Variants in CEP128 observed in about 807,000 individuals in gnomAD.
CEP128 encodes centrosomal protein 128kDa.
A neutral mutation model predicts 156.7 loss-of-function variants in CEP128; 132 were observed. The observed-to-expected ratio is 0.84, with a 90% CI of 0.73 to 0.97. The LOEUF (loss-of-function observed/expected upper bound fraction) is 0.97, where lower values mean the gene tolerates loss of function less well. Ranked by LOEUF, CEP128 falls within the 50% of genes least tolerant of loss-of-function variation. The pLI is 0.00. For missense variants in CEP128, 1,252 were observed against 1,281.9 expected (o/e 0.98, Z 0.36); for synonymous variants, 469 against 448.9 (o/e 1.04, Z -0.57).
intron 19 of CEP128, among the ~76,000 whole-genome samples, chr14:80,653,929 C>T (rs1299380463): frequency 1.3e-5 from 2 of 151,950 alleles, no homozygotes; most frequent in Non-Finnish European, 1.5e-5. Flanking sequence ...TTTCATGAAA[C>T]TTTTGGGTCA....
chr14:80,517,604 A>T (rs1223145432), intron 23 of CEP128, among the ~76,000 whole-genome samples: 1 of 152,186 alleles, frequency 6.6e-6, no homozygotes, highest in African/African-American at 2.4e-5. Flanking sequence ...TATAATTTCA[A>T]TCATTTTAAC....
At chr14:80,754,482 G>A (rs959530832) in intron 18 of CEP128, among the ~76,000 whole-genome samples, 3 of 45,928 alleles carry the variant, frequency 6.5e-5, no homozygotes, top group Non-Finnish European at 9.3e-5. Flanking sequence ...TTTTTTTTTT[G>A]AGATGGAGTC....
At chr14:80,533,554 T>C (rs1410688104) in intron 21 of CEP128, among the ~76,000 whole-genome samples, 2 of 152,194 alleles carry the variant, frequency 1.3e-5, no homozygotes, top group Admixed American at 1.3e-4. Context: ...TTTTGACAAT[T>C]ATATGATGGT....
chr14:80,616,962 TAAG>T (rs1319046330), intron 19 of CEP128, among the ~76,000 whole-genome samples: 2 of 152,168 alleles, frequency 1.3e-5, no homozygotes, highest in Non-Finnish European at 2.9e-5. Context: ...AAGCAGACCA[TAAG>T]CCAATGATTC....
At chr14:80,544,899 A>G (rs1889917706) in intron 21 of CEP128, among the ~76,000 whole-genome samples, 1 of 152,148 alleles carries the variant, frequency 6.6e-6, no homozygotes, top group Non-Finnish European at 1.5e-5. Flanking sequence ...AATAAGGAAA[A>G]TCTCTATTTG....
chr14:80,510,576 T>G (rs1888199002), intron 23 of CEP128, among the ~76,000 whole-genome samples: 1 of 152,108 alleles, frequency 6.6e-6, no homozygotes, highest in African/African-American at 2.4e-5. Flanking sequence ...CCTTTCCAAT[T>G]TGGATGCCCC....
intron 19 of CEP128, among the ~76,000 whole-genome samples, chr14:80,677,508 C>CAAAAAAAAAAAA (rs57636757): frequency 1.1e-5 from 1 of 94,062 alleles, no homozygotes; most frequent in Non-Finnish European, 2.1e-5. Context: ...GACTCCGTCT[C>CAAAAAAAAAAAA]AAAAAAAAAA....
chr14:80,607,361 A>G (rs1046857432), intron 19 of CEP128, among the ~76,000 whole-genome samples: 3 of 152,158 alleles, frequency 2.0e-5, no homozygotes, highest in African/African-American at 7.2e-5. Flanking sequence ...AACAAAAGCG[A>G]ATGTAAAATT....
downstream of CEP128, among the ~76,000 whole-genome samples, chr14:80,485,962 C>T (rs1170886726): frequency 6.6e-6 from 1 of 152,156 alleles, no homozygotes; most frequent in Non-Finnish European, 1.5e-5. Context: ...TCACTGAAGA[C>T]ACTGTAAACA....
chr14:80,775,920 G>A (rs1480205671), intron 16 of CEP128, among the ~76,000 whole-genome samples: 2 of 151,898 alleles, frequency 1.3e-5, no homozygotes, highest in Non-Finnish European at 2.9e-5. Context: ...GCGACTTTCC[G>A]CCCCCCGGGT....
chr14:80,490,189 G>C (rs1887277658), downstream of CEP128, among the ~76,000 whole-genome samples: 1 of 151,982 alleles, frequency 6.6e-6, no homozygotes, highest in Non-Finnish European at 1.5e-5. Context: ...GTCTTTCAGG[G>C]ACAACAAGAT....
At chr14:80,730,872 A>C (rs967626780) in intron 19 of CEP128, among the ~76,000 whole-genome samples, 2 of 152,154 alleles carry the variant, frequency 1.3e-5, no homozygotes, top group African/African-American at 4.8e-5. Context: ...TAATATTATA[A>C]TTAAATTCAT....
At chr14:80,532,938 T>G (rs1889295706) in intron 21 of CEP128, among the ~76,000 whole-genome samples, 1 of 152,216 alleles carries the variant, frequency 6.6e-6, no homozygotes, top group African/African-American at 2.4e-5. Context: ...AAGTTCTCTT[T>G]TTCAAGTTCC....
At chr14:80,668,049 T>C (rs1349595550) in intron 19 of CEP128, among the ~76,000 whole-genome samples, 1 of 152,176 alleles carries the variant, frequency 6.6e-6, no homozygotes, top group Non-Finnish European at 1.5e-5. Flanking sequence ...ATTTAAAAAC[T>C]TACTATGTGC....
At chr14:80,937,160 A>G (rs1328150324) in intron 2 of CEP128, among the ~76,000 whole-genome samples, 2 of 152,008 alleles carry the variant, frequency 1.3e-5, no homozygotes, top group Non-Finnish European at 2.9e-5. Flanking sequence ...TCTACAAAAA[A>G]ATAAAACAAA....
At position 80,497,566 on chromosome 14, in the gene CEP128, A is replaced by G. The variant is rs369769416; in HGVS notation, c.3198T>C (p.Thr1066=). Residue 1066 remains threonine (T), a synonymous_variant, in exon 25 of 25, where the codon ACT becomes ACC. Coordinates refer to ENST00000555265, the MANE Select transcript of CEP128 (RefSeq NM_152446.5). ...TGTTTGAAGCTGAATCTGGAGCAAC[A>G]GTTCTTTTGGTAAATGCTGGCAAGG... ...FSYVNSFTKR[T]VAPDSASNKE... 5 of 1,612,360 alleles carry G rather than the reference A, an allele frequency of 3.1e-6. No homozygotes were observed. The highest frequency in any genetic ancestry group is 2.2e-5 in the East Asian group (1 of 44,814).
intron 14 of CEP128, among the ~76,000 whole-genome samples, chr14:80,482,334 T>C (rs925651577): frequency 1.3e-5 from 2 of 152,234 alleles, no homozygotes; most frequent in African/African-American, 4.8e-5. Context: ...TGTACTGCTA[T>C]AGAGACAAAG....
intron 23 of CEP128, among the ~76,000 whole-genome samples, chr14:80,510,162 T>A (rs561029622): frequency 6.6e-6 from 1 of 152,196 alleles, no homozygotes; most frequent in Non-Finnish European, 1.5e-5. Flanking sequence ...ATGAAGAATG[T>A]CATTGATCTT....
chr14:80,684,086 C>CT (rs1211610557), intron 19 of CEP128, among the ~76,000 whole-genome samples: 1 of 152,038 alleles, frequency 6.6e-6, no homozygotes, highest in Non-Finnish European at 1.5e-5. Flanking sequence ...AAAGAAATAA[C>CT]TGAAATCAGA....
Sources: gnomAD v4.1 joint callset for allele counts (sites outside exome capture counted in the v4.1 genomes callset) on GRCh38, gnomAD v4.1.1 for gene constraint, MANE v1.5 for transcripts, NCBI Gene and HGNC (gene_info 2026-07-23, HGNC 2026-07-21) for gene names.